RANBP2: variants seen among roughly 807,000 people sequenced by gnomAD.
RANBP2 encodes RAN binding protein 2.
RANBP2 carries 57 observed loss-of-function variants against 303.6 expected under a neutral mutation model. The observed-to-expected ratio is 0.19, with a 90% CI of 0.15 to 0.23. The LOEUF (loss-of-function observed/expected upper bound fraction) is 0.23, where lower values mean the gene tolerates loss of function less well. Among genes scored for constraint, RANBP2 ranks in the 10% least tolerant of loss-of-function variants. The pLI is 1.00. For missense variants in RANBP2, 3,138 were observed against 3,780.8 expected, an observed-to-expected ratio of 0.83 and a Z score of 4.46; for synonymous variants, 1,167 against 1,301.5, an observed-to-expected ratio of 0.90 and a Z score of 2.23.
At chr2:109,672,130 C>G in the RANBP2 span, among the ~76,000 whole-genome samples, 3 of 152,252 alleles carry the variant, frequency 2.0e-5, no homozygotes, top group East Asian at 5.8e-4. Context: ...TGGTCCATTA[C>G]CATGTTTTAG....
the RANBP2 span, among the ~76,000 whole-genome samples, chr2:109,357,487 A>G: frequency 6.6e-6 from 1 of 152,130 alleles, no homozygotes; most frequent in Non-Finnish European, 1.5e-5. Context: ...GGCCAACAGA[A>G]TATATTCTTA....
At chr2:109,494,014 G>A in the RANBP2 span, among the ~76,000 whole-genome samples, 1 of 152,092 alleles carries the variant, frequency 6.6e-6, no homozygotes, top group Admixed American at 6.5e-5. Context: ...ATGGGTCCTG[G>A]CCCTTGTCTG....
chr2:109,474,199 A>C, the RANBP2 span, among the ~76,000 whole-genome samples: 3 of 152,160 alleles, frequency 2.0e-5, no homozygotes, highest in Admixed American at 6.5e-5. Flanking sequence ...GGGCAGGTGT[A>C]AGCCATGCAG....
chr2:109,394,180 G>T, the RANBP2 span, among the ~76,000 whole-genome samples: 1 of 152,372 alleles, frequency 6.6e-6, no homozygotes, highest in South Asian at 2.1e-4. Flanking sequence ...AGACAGTTCT[G>T]TGGTTGGAAA....
At chr2:109,088,873 G>A in the RANBP2 span, among the ~76,000 whole-genome samples, 82 of 152,234 alleles carry the variant, frequency 5.4e-4, 1 homozygote, top group African/African-American at 1.6e-3. Context: ...AGTAGAAAAT[G>A]GTATATCTAT....
the RANBP2 span, among the ~76,000 whole-genome samples, chr2:109,683,574 G>A: frequency 6.6e-6 from 1 of 152,112 alleles, no homozygotes; most frequent in Non-Finnish European, 1.5e-5. Flanking sequence ...CCATGTTCAT[G>A]TTGGCTGGGG....
chr2:109,149,742 T>C, the RANBP2 span, among the ~76,000 whole-genome samples: 2 of 152,252 alleles, frequency 1.3e-5, no homozygotes, highest in Non-Finnish European at 2.9e-5. Flanking sequence ...ATGGGGGCTC[T>C]ATCAAGACGT....
the RANBP2 span, among the ~76,000 whole-genome samples, chr2:109,114,937 G>A: frequency 6.6e-6 from 1 of 152,218 alleles, no homozygotes; most frequent in East Asian, 1.9e-4. Flanking sequence ...ATGTAGTTGA[G>A]CAGTTTTGAG....
the RANBP2 span, among the ~76,000 whole-genome samples, chr2:108,798,816 T>TACACACACACACACAC: frequency 3.4e-4 from 45 of 131,638 alleles, no homozygotes; most frequent in Middle Eastern, 8.3e-3. Context: ...TCTCCACACC[T>TACACACACACACACAC]ACACACACAC....
At chr2:108,831,086 A>G in the RANBP2 span, among the ~76,000 whole-genome samples, 1 of 152,168 alleles carries the variant, frequency 6.6e-6, no homozygotes, top group South Asian at 2.1e-4. Flanking sequence ...GAGGCACCAG[A>G]ATCGCTTAAA....
At chr2:109,343,979 A>G in the RANBP2 span, among the ~76,000 whole-genome samples, 1 of 152,000 alleles carries the variant, frequency 6.6e-6, no homozygotes, top group Admixed American at 6.6e-5. Flanking sequence ...CCTGGCCTCA[A>G]GTGATTTTCC....
chr2:109,774,540 A>AAATATATATAATATATATATTTTATATAT, the RANBP2 span, among the ~76,000 whole-genome samples: 1 of 76,194 alleles, frequency 1.3e-5, no homozygotes, highest in Non-Finnish European at 2.3e-5. Flanking sequence ...ATTATATATA[A>AAATATATATAATATATATATTTTATATAT]AATATATATA....
At chr2:108,759,857 A>G (rs1241106975) in intron 18 of RANBP2, among the ~76,000 whole-genome samples, 1 of 152,166 alleles carries the variant, frequency 6.6e-6, no homozygotes, top group Non-Finnish European at 1.5e-5. Flanking sequence ...GTACAGGCAT[A>G]AAAGATCTTC....
chr2:108,893,993 T>C, the RANBP2 span, among the ~76,000 whole-genome samples: 1 of 152,138 alleles, frequency 6.6e-6, no homozygotes, highest in Non-Finnish European at 1.5e-5. Flanking sequence ...CTCTCTGTTA[T>C]CTATCTAGGT....
chr2:108,930,169 CCCGT>C, the RANBP2 span: 1 of 1,614,050 alleles, frequency 6.2e-7, no homozygotes, highest in Non-Finnish European at 8.5e-7. Context: ...CTGGCACAGC[CCCGT>C]AGTCTGGTTG....
At chr2:108,953,977 G>C in the RANBP2 span, among the ~76,000 whole-genome samples, 4 of 152,230 alleles carry the variant, frequency 2.6e-5, 1 homozygote, top group East Asian at 1.9e-4. Flanking sequence ...AAACTTCTTT[G>C]GTTGCTCCTG....
At chr2:109,260,353 G>A in the RANBP2 span, among the ~76,000 whole-genome samples, 5 of 152,206 alleles carry the variant, frequency 3.3e-5, no homozygotes, top group East Asian at 1.9e-4. Flanking sequence ...CCTGTGACCC[G>A]AGGTCAGGGA....
At chr2:109,659,664 C>T in the RANBP2 span, among the ~76,000 whole-genome samples, 1 of 152,202 alleles carries the variant, frequency 6.6e-6, no homozygotes, top group Non-Finnish European at 1.5e-5. Context: ...AGAGCAAAAA[C>T]AATTCCTAGG....
chr2:109,116,247 C>T, the RANBP2 span, among the ~76,000 whole-genome samples: 1 of 152,342 alleles, frequency 6.6e-6, no homozygotes, highest in African/African-American at 2.4e-5. Flanking sequence ...GTTCCATTCT[C>T]CCTGTCACTT....
Sources: allele counts gnomAD v4.1 joint callset (sites outside exome capture counted in the v4.1 genomes callset), GRCh38; gene constraint gnomAD v4.1.1; transcripts MANE v1.5; gene names NCBI Gene and HGNC (gene_info 2026-07-23, HGNC 2026-07-21).